Variants in XRN1 observed in about 807,000 individuals in gnomAD.
The protein encoded by XRN1 is strand-exchange protein 1 homolog.
Under a neutral mutation model 222.3 loss-of-function variants are expected in XRN1, and 67 were observed. That is an observed-to-expected ratio of 0.30 (90% CI 0.25 to 0.37). The LOEUF (loss-of-function observed/expected upper bound fraction) is 0.37, where lower values mean the gene tolerates loss of function less well. Ranked by LOEUF, XRN1 falls within the 10% of genes least tolerant of loss-of-function variation. The pLI is 1.00. For synonymous variants in XRN1, 643 were observed against 652.4 expected (o/e 0.99, Z 0.22); for missense variants, 1,707 against 2,000.2 (o/e 0.85, Z 2.80).
chr3:142,329,648 T>C, intron 36 of XRN1, 33 bp from the exon 37 acceptor site: 1 of 1,514,660 alleles, frequency 6.6e-7, no homozygotes, highest in Non-Finnish European at 8.8e-7. Flanking sequence ...CTATCTTTAT[T>C]AATAAAATAC....
chr3:142,414,457 AT>A, intron 13 of XRN1, 166 bp from the exon 14 acceptor site: 1 of 494,124 alleles, frequency 2.0e-6, no homozygotes, highest in Non-Finnish European at 3.2e-6. Context: ...GTGTTGGAAA[AT>A]TTAGGTCATC....
chr3:142,390,701 T>C (rs1023913008), intron 20 of XRN1, among the ~76,000 whole-genome samples: 8 of 152,238 alleles, frequency 5.3e-5, no homozygotes, highest in Non-Finnish European at 1.2e-4. Flanking sequence ...CACTTTTGAT[T>C]TCCTTCAAGA....
chr3:142,369,031 G>T (rs1397349212), intron 27 of XRN1, among the ~76,000 whole-genome samples: 1 of 152,124 alleles, frequency 6.6e-6, no homozygotes, highest in Non-Finnish European at 1.5e-5. Context: ...CTTGCCTAAG[G>T]TTATTAATAT....
chr3:142,359,190 G>A (rs2066549276), intron 30 of XRN1, among the ~76,000 whole-genome samples: 1 of 152,042 alleles, frequency 6.6e-6, no homozygotes, highest in Admixed American at 6.6e-5. Context: ...TCTTATCTGT[G>A]TTAAATTAAA....
At chr3:142,441,694 T>C (rs538690845) in intron 1 of XRN1, among the ~76,000 whole-genome samples, 1 of 152,340 alleles carries the variant, frequency 6.6e-6, no homozygotes, top group Non-Finnish European at 1.5e-5. Flanking sequence ...CAGACAACCA[T>C]TTACTTAAAT....
At chr3:142,405,175 T>C (rs1284361967) in intron 15 of XRN1, 99 bp from the exon 16 acceptor site, 4 of 1,261,262 alleles carry the variant, frequency 3.2e-6, no homozygotes, top group Non-Finnish European at 4.4e-6. Context: ...AATAACCATT[T>C]GTGCTCTTGA....
intron 37 of XRN1, among the ~76,000 whole-genome samples, chr3:142,325,261 G>A (rs537506306): frequency 2.0e-5 from 3 of 152,090 alleles, no homozygotes; most frequent in African/African-American, 4.8e-5. Context: ...TTTGGTAAAA[G>A]CCATTTTAAT....
Position 142,446,722 on chromosome 3 carries a change from T to C in XRN1, c.75+1148A>G, listed in dbSNP as rs79922511. Among the ~76,000 whole-genome samples the C allele has an allele frequency of 6.9e-3, 1,050 of 152,356 alleles. 7 individuals are homozygous for C. Among genetic ancestry groups the C allele is most frequent in the Non-Finnish European group, 0.011 (760 of 68,032 alleles). The stretch of plus-strand genomic sequence containing the variant: ...TTCTGCAATGTACTGGTTTCCTTTT[T>C]AGCCCTCCCCGGGGGAAAAAAATAC... On this transcript the variant is annotated intron_variant, in intron 1 of 40. Coordinates refer to ENST00000392981, the MANE Select transcript of XRN1 (RefSeq NM_001282857.2).
chr3:142,412,048 T>C (rs943331853), intron 15 of XRN1, among the ~76,000 whole-genome samples: 2 of 152,064 alleles, frequency 1.3e-5, no homozygotes, highest in Admixed American at 6.6e-5. Context: ...ATGGTCTCGA[T>C]CTCCTGACCT....
chr3:142,423,033 T>C, intron 6 of XRN1, 111 bp from the exon 7 acceptor site: 1 of 803,174 alleles, frequency 1.2e-6, no homozygotes, highest in East Asian at 2.5e-5. Context: ...TAAGGTCTTG[T>C]AATTAAGGCA....
chr3:142,395,377 G>A (rs116292552), intron 20 of XRN1, among the ~76,000 whole-genome samples: 128 of 152,338 alleles, frequency 8.4e-4, no homozygotes, highest in African/African-American at 2.9e-3. Context: ...AGGTTAAACA[G>A]GACAGCCTGA....
rs2065724472 is a variant in XRN1 at position 142,332,386 on chromosome 3, T to A, written c.4211A>T (p.Asn1404Ile). 6.3e-7 allele frequency: 1 copy of A among 1,595,126 alleles called. No homozygotes were observed. The highest frequency in any genetic ancestry group is 1.8e-5 in the Admixed American group (1 of 55,914). Residue 1404 changes from asparagine (N) to isoleucine (I), a missense_variant, in exon 36 of 41, where the codon AAT (asparagine) becomes ATT (isoleucine). By Grantham distance (149) the Asn-to-Ile change is moderately radical (BLOSUM62 -3). Coordinates refer to ENST00000392981, the MANE Select transcript of XRN1 (RefSeq NM_001282857.2). ...TTTAGTTTACTTACCTAATTTCTTA[T>A]TTTGTTTAGGCTGAGAGGGTAATCC... ...EYGLPSQPKQ[N>I]KKLASYMNKP...
chr3:142,333,820 C>A (rs1052928875), intron 34 of XRN1, among the ~76,000 whole-genome samples: 16 of 152,080 alleles, frequency 1.1e-4, no homozygotes, highest in African/African-American at 3.9e-4. Flanking sequence ...AGAAAGGGAG[C>A]CCCCACCAGA....
rs1275293323 is a variant in XRN1, at chr3:142,307,558, T to C, written c.*3953A>G. 2 of 152,156 alleles carry C rather than the reference T, an allele frequency of 1.3e-5. No homozygotes were observed. The highest frequency in any genetic ancestry group is 3.8e-4 in the East Asian group (2 of 5,196). The allele number at this position is 152,156 out of a possible 1,614,324, so 9.4% of individuals were successfully genotyped here. The stretch of plus-strand genomic sequence containing the variant: ...ACATTTTGGACTACTAAAACTATTT[T>C]ATACATGTTTTTCTTCTTTAAGAAA... On this transcript the variant is annotated 3_prime_UTR_variant, in exon 41 of 41. Transcript: ENST00000392981.
At position 142,447,469 on chromosome 3, in the gene XRN1, G is replaced by A. The variant is rs1238722598; in HGVS notation, c.75+401C>T. Among the ~76,000 whole-genome samples, 1 of 152,218 alleles carries A rather than the reference G, an allele frequency of 6.6e-6. No homozygotes were observed. Among genetic ancestry groups the A allele is most frequent in the Non-Finnish European group, 1.5e-5 (1 of 68,034 alleles). ...GCTGTTATCGTCTGTAAGTGGGTCT[G>A]CCGCTCTGGGTGGGATGGGGGAACC... is the stretch of plus-strand genomic sequence containing the variant. On this transcript the variant is annotated intron_variant, in intron 1 of 40. Transcript: ENST00000392981. This position sits in a 1 kb window ranked among gnomAD's most constrained non-coding sequence, Gnocchi z 4.2.
At chr3:142,362,354 T>A (rs975916338) in intron 29 of XRN1, among the ~76,000 whole-genome samples, 5 of 152,154 alleles carry the variant, frequency 3.3e-5, no homozygotes, top group Admixed American at 6.5e-5. Flanking sequence ...GCCAGGCTAA[T>A]CTCAAACTCC....
chr3:142,325,537 T>C (rs948388269), intron 37 of XRN1, among the ~76,000 whole-genome samples: 4 of 152,162 alleles, frequency 2.6e-5, no homozygotes, highest in African/African-American at 9.6e-5. Context: ...TTTTCTCTTA[T>C]TGTTTGAGCT....
At chr3:142,434,903 A>T (rs1231669895) in intron 1 of XRN1, 1 of 152,188 alleles carries the variant, frequency 6.6e-6, no homozygotes, top group African/African-American at 2.4e-5. Flanking sequence ...AGGATTAAAA[A>T]TTTTACTGTA....
At chr3:142,321,360 A>T (rs1368374737) in intron 37 of XRN1, among the ~76,000 whole-genome samples, 3 of 151,998 alleles carry the variant, frequency 2.0e-5, no homozygotes, top group Non-Finnish European at 4.4e-5. Flanking sequence ...ACCTCAAGCG[A>T]TCCGCCTGCC....
Sources: allele counts gnomAD v4.1 joint callset (sites outside exome capture counted in the v4.1 genomes callset), GRCh38; gene constraint gnomAD v4.1.1; non-coding constraint Gnocchi (gnomAD v3.1); transcripts MANE v1.5; gene names NCBI Gene and HGNC (gene_info 2026-07-23, HGNC 2026-07-21).